XPO6: variants seen among roughly 807,000 people sequenced by gnomAD.
XPO6 encodes the protein exportin-6.
In XPO6, 3 loss-of-function variants were observed where a neutral mutation model predicts 130.0. That is an observed-to-expected ratio of 0.02 (90% CI 0.01 to 0.06). The LOEUF (loss-of-function observed/expected upper bound fraction) is 0.06. XPO6 is among the 10% of genes least tolerant of loss of function. The probability of loss-of-function intolerance (pLI) is 1.00; values close to 1 mark genes in which losing one functional copy is unlikely to be tolerated. For synonymous variants in XPO6, 524 were observed against 548.9 expected (o/e 0.95, Z 0.63); for missense variants, 970 against 1,393.0 (o/e 0.70, Z 4.83).
chr16:28,107,803 G>T, intron 17 of XPO6, 126 bp from the exon 18 acceptor site: 1 of 1,036,498 alleles, frequency 9.6e-7, no homozygotes, highest in Admixed American at 2.1e-5. Context: ...TCTCACTAAA[G>T]GAACAGTCTC....
At chr16:28,176,168 G>T in intron 3 of XPO6, 73 bp from the exon 4 acceptor site, 1 of 1,387,786 alleles carries the variant, frequency 7.2e-7, no homozygotes, top group Non-Finnish European at 1.0e-6. Flanking sequence ...CCCACAGGTA[G>T]CTATTATCAC....
chr16:28,180,842 G>A (rs2043603883), intron 2 of XPO6, 99 bp downstream of exon 2: 2 of 892,716 alleles, frequency 2.2e-6, no homozygotes, highest in African/African-American at 1.7e-5. Flanking sequence ...CAAGTGGAAA[G>A]CACGCAGACT....
intron 9 of XPO6, among the ~76,000 whole-genome samples, chr16:28,145,228 A>G (rs1049937092): frequency 6.6e-6 from 1 of 152,160 alleles, no homozygotes; most frequent in African/African-American, 2.4e-5. Flanking sequence ...TCACTGTGTG[A>G]CTGGGATGCA....
At chr16:28,207,753 A>T (rs1382502477) in intron 1 of XPO6, among the ~76,000 whole-genome samples, 1 of 152,224 alleles carries the variant, frequency 6.6e-6, no homozygotes, top group Non-Finnish European at 1.5e-5. Flanking sequence ...CTTGTCAACT[A>T]GGAATCACAG....
intron 13 of XPO6, among the ~76,000 whole-genome samples, chr16:28,125,015 C>T (rs564517164): frequency 2.0e-5 from 3 of 152,218 alleles, no homozygotes; most frequent in South Asian, 2.1e-4. Flanking sequence ...TTGGGTTTTT[C>T]GAGGGGAGAA....
intron 1 of XPO6, among the ~76,000 whole-genome samples, chr16:28,206,774 T>G (rs1367423285): frequency 1.3e-5 from 2 of 152,172 alleles, no homozygotes; most frequent in Non-Finnish European, 2.9e-5. Flanking sequence ...ACAAAACCTC[T>G]GGGTACTGCT....
chr16:28,169,971 G>T, intron 4 of XPO6, 62 bp from the exon 5 acceptor site: 7 of 1,586,090 alleles, frequency 4.4e-6, no homozygotes, highest in Middle Eastern at 1.7e-4. Flanking sequence ...AGAGGACTCA[G>T]TAGCATTAAA....
intron 11 of XPO6, among the ~76,000 whole-genome samples, chr16:28,133,106 G>C (rs914642390): frequency 6.6e-6 from 1 of 152,246 alleles, no homozygotes; most frequent in Non-Finnish European, 1.5e-5. Context: ...GGGAGGCAGA[G>C]GCGGGCAGAC....
chr16:28,154,100 C>T (rs1017760334), intron 7 of XPO6: 2 of 985,204 alleles, frequency 2.0e-6, no homozygotes, highest in Middle Eastern at 5.2e-4. Context: ...CATACAAAGA[C>T]ACTTCTCTCT....
intron 1 of XPO6, among the ~76,000 whole-genome samples, chr16:28,201,698 T>C (rs991343366): frequency 4.6e-5 from 7 of 151,654 alleles, no homozygotes; most frequent in African/African-American, 1.7e-4. Flanking sequence ...CTACTAAAAA[T>C]ACAAAAAATT....
At chr16:28,195,964 G>A (rs2141897737) in intron 1 of XPO6, among the ~76,000 whole-genome samples, 1 of 152,288 alleles carries the variant, frequency 6.6e-6, no homozygotes. Flanking sequence ...TTACCTGCAA[G>A]TTCTCCAATT....
At chr16:28,156,584 T>A in intron 6 of XPO6, 57 bp from the exon 7 acceptor site, 1 of 1,318,372 alleles carries the variant, frequency 7.6e-7, no homozygotes, top group Non-Finnish European at 1.0e-6. Context: ...CAAATGACTT[T>A]AAGTAATTCT....
chr16:28,175,966 C>T lies in XPO6; in HGVS notation c.337G>A (p.Val113Ile). 1.2e-6 allele frequency: 2 copies of T among 1,614,178 alleles called. No individual in the cohort carries two copies. Among genetic ancestry groups the T allele is most frequent in the Non-Finnish European group, 8.5e-7 (1 of 1,180,032 alleles). Residue 113 changes from valine to isoleucine, a missense_variant, in exon 4 of 24, where the codon GTT becomes ATT. Val to Ile is a conservative substitution (Grantham distance 29). Around this residue, in one of 4 missense-constraint regions of XPO6, gnomAD observed 936 missense variants for 1,306.8 expected, o/e 0.72. Transcript: ENST00000304658. ...TCCTGACGTCCAATATCAACAATAACTTTGCAGAGCTTGTTCCGGATAAAG... is the reference window on the plus strand; with the variant it reads ...TCCTGACGTCCAATATCAACAATAATTTTGCAGAGCTTGTTCCGGATAAAG... ...PYFIRNKLCK[V>I]IVDIGRQDWP...
intron 6 of XPO6, among the ~76,000 whole-genome samples, chr16:28,156,894 T>C (rs1286723367): frequency 6.6e-6 from 1 of 152,158 alleles, no homozygotes; most frequent in African/African-American, 2.4e-5. Flanking sequence ...CTCAAGTTTT[T>C]GTTTTCTTGC....
chr16:28,170,047 T>C (rs1596925201), intron 4 of XPO6, 138 bp from the exon 5 acceptor site: 15 of 1,191,026 alleles, frequency 1.3e-5, no homozygotes, highest in Admixed American at 2.7e-5. Context: ...AAACATCACT[T>C]AGAGGCCAGC....
chr16:28,163,288 T>C (rs1450916930), intron 6 of XPO6, among the ~76,000 whole-genome samples: 1 of 152,220 alleles, frequency 6.6e-6, no homozygotes, highest in Non-Finnish European at 1.5e-5. Flanking sequence ...TGCAATCTGT[T>C]AAGAGTTTGG....
At chr16:28,109,210 A>G (rs368360727) in intron 17 of XPO6, among the ~76,000 whole-genome samples, 11 of 152,210 alleles carry the variant, frequency 7.2e-5, no homozygotes, top group Non-Finnish European at 1.3e-4. Context: ...TGAAAGCACT[A>G]TAAGTATATA....
intron 13 of XPO6, among the ~76,000 whole-genome samples, chr16:28,123,757 C>T (rs535242475): frequency 6.6e-6 from 1 of 152,276 alleles, no homozygotes; most frequent in African/African-American, 2.4e-5. Flanking sequence ...CTGTTCTACA[C>T]TAAAAATGCA....
chr16:28,173,788 C>T (rs2043492636), intron 4 of XPO6, among the ~76,000 whole-genome samples: 1 of 152,156 alleles, frequency 6.6e-6, no homozygotes, highest in African/African-American at 2.4e-5. Flanking sequence ...CCTCCAGAAG[C>T]CCTTCACCTA....
Sources: allele counts gnomAD v4.1 joint callset (sites outside exome capture counted in the v4.1 genomes callset), GRCh38; gene constraint gnomAD v4.1.1; regional missense constraint gnomAD v4.1.1; transcripts MANE v1.5; gene names NCBI Gene and HGNC (gene_info 2026-07-23, HGNC 2026-07-21).